The following CEP95 variants were observed in gnomAD, a reference collection of about 807,000 sequenced individuals.
CEP95 encodes the protein centrosomal protein of 95 kDa.
CEP95 carries 98 observed loss-of-function variants against 111.2 expected under a neutral mutation model. That is an observed-to-expected ratio of 0.88 (90% CI 0.75 to 1.04). The LOEUF (loss-of-function observed/expected upper bound fraction) is 1.04, where lower values mean the gene tolerates loss of function less well. Among genes scored for constraint, CEP95 ranks in the 50% least tolerant of loss-of-function variants. CEP95 has a pLI of 0.00. For missense variants in CEP95, 1,027 were observed against 977.2 expected (o/e 1.05, Z -0.68); for synonymous variants, 323 against 327.1 (o/e 0.99, Z 0.14).
At chr17:64,522,481 T>C (rs1967427709) in intron 7 of CEP95, among the ~76,000 whole-genome samples, 1 of 151,936 alleles carries the variant, frequency 6.6e-6, no homozygotes, top group African/African-American at 2.4e-5. Flanking sequence ...ATCTCTACTT[T>C]TTTTAAAAAT....
chr17:64,521,960 G>A (rs763230459), intron 7 of CEP95, among the ~76,000 whole-genome samples: 21 of 152,158 alleles, frequency 1.4e-4, no homozygotes, highest in African/African-American at 5.1e-4. Flanking sequence ...GGGTTCAAGC[G>A]ATTCTCCTGC....
At chr17:64,528,540 G>A (rs1216668844) in intron 11 of CEP95, among the ~76,000 whole-genome samples, 1 of 152,196 alleles carries the variant, frequency 6.6e-6, no homozygotes, top group Non-Finnish European at 1.5e-5. Context: ...ATTTAAAATA[G>A]ATTATGCAAG....
chr17:64,537,848 G>A lies in CEP95; in HGVS notation c.*69G>A. ...CCAGGACAGAGCTAGAATCGAGCCA[G>A]TAAACAGTCTAAGCCAGAAAAATAA... On this transcript the variant is annotated 3_prime_UTR_variant, in exon 20 of 20. Coordinates refer to ENST00000556440, the MANE Select transcript of CEP95 (RefSeq NM_138363.3). 1 of 908,110 alleles carries A rather than the reference G, an allele frequency of 1.1e-6. No homozygotes were observed. Among genetic ancestry groups the A allele is most frequent in the Non-Finnish European group, 1.6e-6 (1 of 644,042 alleles). 56.3% of individuals were successfully genotyped at this position (908,110 alleles called of 1,614,324 possible).
At chr17:64,523,409 T>G (rs1055236824) in intron 8 of CEP95, among the ~76,000 whole-genome samples, 1 of 152,040 alleles carries the variant, frequency 6.6e-6, no homozygotes, top group South Asian at 2.1e-4. Context: ...AATTTCAAAT[T>G]TAGAAAACAC....
chr17:64,527,570 T>G (rs1427708386), intron 11 of CEP95, among the ~76,000 whole-genome samples: 1 of 152,198 alleles, frequency 6.6e-6, no homozygotes, highest in Admixed American at 6.5e-5. Flanking sequence ...CTTCTGATCC[T>G]TGTTTTTATA....
At chr17:64,507,962 T>C (rs2144311870) in intron 1 of CEP95, 1 of 985,412 alleles carries the variant, frequency 1.0e-6, no homozygotes, top group South Asian at 4.7e-5. Flanking sequence ...GCAGGAAACG[T>C]CAACAGTATT....
chr17:64,519,268 G>A, intron 5 of CEP95, 53 bp from the exon 6 acceptor site: 2 of 1,232,982 alleles, frequency 1.6e-6, no homozygotes, highest in Middle Eastern at 1.9e-4. Flanking sequence ...GGTCCTCAGG[G>A]GAAGGGCCCT....
At chr17:64,512,853 A>C (rs2038965384) in intron 3 of CEP95, among the ~76,000 whole-genome samples, 1 of 152,160 alleles carries the variant, frequency 6.6e-6, no homozygotes, top group Non-Finnish European at 1.5e-5. Context: ...AAGTAGGACA[A>C]GTTCTGGTAT....
At chr17:64,536,566 C>T (rs1555681559) in intron 17 of CEP95, 36 bp from the exon 18 acceptor site, 5 of 1,541,854 alleles carry the variant, frequency 3.2e-6, no homozygotes, top group Non-Finnish European at 8.8e-7. Flanking sequence ...AAATGATATT[C>T]CTCAATGACT....
At chr17:64,525,383 CTTTGT>C (rs1391881856) in intron 8 of CEP95, among the ~76,000 whole-genome samples, 75 of 152,106 alleles carry the variant, frequency 4.9e-4, no homozygotes, top group African/African-American at 1.7e-3. Context: ...GAGGTGTTGT[CTTTGT>C]TTTAACTGTT....
rs782249656 is a variant in CEP95, at chr17:64,530,991, A to G, written c.1512A>G (p.Leu504=). The change falls in exon 13 of 20, where the codon CTA becomes CTG. Residue 504 remains leucine, a synonymous_variant. Coordinates refer to ENST00000556440, the MANE Select transcript of CEP95 (RefSeq NM_138363.3). ...RHKVQENIGP[L]RIHEKEEETE... ...AAGTTCAAGAGAATATTGGACCTCTAAGAATACATGAGAAGGAGGAGGAAA... is the reference window on the plus strand; with the variant it reads ...AAGTTCAAGAGAATATTGGACCTCTGAGAATACATGAGAAGGAGGAGGAAA... 11 of 1,555,086 alleles carry G rather than the reference A, an allele frequency of 7.1e-6. No homozygotes were observed. The highest frequency in any genetic ancestry group is 9.6e-6 in the Non-Finnish European group (11 of 1,147,858).
intron 16 of CEP95, 131 bp downstream of exon 16, chr17:64,533,322 T>A: frequency 1.4e-6 from 1 of 719,224 alleles, no homozygotes; most frequent in Non-Finnish European, 2.2e-6. Flanking sequence ...GTTGCCTAGG[T>A]CTTTAACCAA....
rs1555680380 is a variant in CEP95, at chr17:64,531,911, G to A, written c.1561G>A (p.Ala521Thr). 1.9e-6 allele frequency: 3 copies of A among 1,595,012 alleles called. No homozygotes were observed. Among genetic ancestry groups the A allele is most frequent in the South Asian group, 2.3e-5 (2 of 87,502 alleles). The change falls in exon 14 of 20, where the codon GCT becomes ACT. Residue 521 changes from alanine (A) to threonine (T), a missense_variant. Ala to Thr is a moderately conservative substitution (Grantham distance 58, BLOSUM62 0). Coordinates refer to ENST00000556440, the MANE Select transcript of CEP95 (RefSeq NM_138363.3). ...EETEKIYRGE[A>T]VRKGTPECSQ... ...TAAGGAAAAAATATACAGAGGAGAA[G>A]CTGTTCGTAAAGGAACTCCAGAATG... is the stretch of plus-strand genomic sequence containing the variant.
At chr17:64,506,779 G>C (rs1334203334), upstream of CEP95, 2 of 531,096 alleles carry the variant, frequency 3.8e-6, no homozygotes, top group South Asian at 4.3e-5. Context: ...TCGCACCCCG[G>C]GACCCGCCCG....
Position 64,510,023 on chromosome 17 carries a change from G to A in CEP95, c.149-150G>A, listed in dbSNP as rs1056387213. On this transcript the variant is annotated intron_variant, in intron 2 of 19. Transcript: ENST00000556440. ...AAGATTCTGCTGTGTAGAGTTCAGG[G>A]TTTATTAACTTTATCTGTACTTTAC... 16 of 607,606 alleles carry A rather than the reference G, an allele frequency of 2.6e-5. No individual in the cohort carries two copies. The African/African-American group carries it at 2.8e-4, about 11-fold the overall frequency. 37.6% of individuals were successfully genotyped at this position (607,606 alleles called of 1,614,324 possible).
At position 64,534,608 on chromosome 17, in the gene CEP95, T is replaced by C. The variant is rs571376507; in HGVS notation, c.1941T>C (p.Arg647=). 1 of 1,613,906 alleles carries C rather than the reference T, an allele frequency of 6.2e-7. No individual in the cohort carries two copies. The highest frequency in any genetic ancestry group is 1.3e-5 in the African/African-American group (1 of 75,040). ...AGCAAGACTTCAAGGACTGCATTCG[T>C]AGGCAAAGGTTGACCCAATCAAAGA... The part of the protein sequence containing the change: ...KRLQDFKDCI[R]RQRLTQSKIK... Residue 647 remains arginine, a synonymous_variant, in exon 17 of 20, where the codon CGT becomes CGC. Coordinates refer to ENST00000556440, the MANE Select transcript of CEP95 (RefSeq NM_138363.3).
intron 17 of CEP95, chr17:64,534,961 T>C (rs1598252487): frequency 1.9e-6 from 1 of 512,900 alleles, no homozygotes; most frequent in East Asian, 3.6e-5. Context: ...ATGTGAAGTC[T>C]TACTTCCTCC....
intron 5 of CEP95, 42 bp downstream of exon 5, chr17:64,516,870 CT>C (rs782393422): frequency 2.6e-6 from 3 of 1,168,856 alleles, no homozygotes; most frequent in Non-Finnish European, 2.5e-6. Context: ...ACAAGTTACG[CT>C]TTTTGGACTA....
intron 17 of CEP95, chr17:64,535,097 G>A (rs528081587): frequency 1.3e-4 from 36 of 277,396 alleles, no homozygotes; most frequent in Non-Finnish European, 1.1e-4. Flanking sequence ...CTAGTGTCCA[G>A]CTGTGCTGTG....
Sources: gnomAD v4.1 joint callset for allele counts (sites outside exome capture counted in the v4.1 genomes callset) on GRCh38, gnomAD v4.1.1 for gene constraint, MANE v1.5 for transcripts, NCBI Gene and HGNC (gene_info 2026-07-23, HGNC 2026-07-21) for gene names.